Variants in ERI3 observed in about 807,000 individuals in gnomAD.
ERI3 encodes ERI1 exoribonuclease family member 3.
ERI3 carries 18 observed loss-of-function variants against 44.4 expected under a neutral mutation model. That is an observed-to-expected ratio of 0.41 (90% CI 0.28 to 0.60). ERI3 has a LOEUF of 0.60. Ranked by LOEUF, ERI3 falls within the 20% of genes least tolerant of loss-of-function variation. The pLI, the probability that ERI3 is intolerant of heterozygous loss-of-function variation, is 0.36. For synonymous variants in ERI3, 183 were observed against 164.8 expected, an observed-to-expected ratio of 1.11 and a Z score of -0.84; for missense variants, 294 against 435.5, an observed-to-expected ratio of 0.68 and a Z score of 2.89.
chr1:44,285,041 C>A, intron 6 of ERI3, 134 bp from the exon 7 acceptor site: 2 of 689,026 alleles, frequency 2.9e-6, no homozygotes, highest in Non-Finnish European at 2.5e-6. Flanking sequence ...ATGGGTCCCA[C>A]CCCACCAAAG....
intron 6 of ERI3, among the ~76,000 whole-genome samples, chr1:44,292,304 G>A (rs1645523796): frequency 6.6e-6 from 1 of 152,108 alleles, no homozygotes; most frequent in Non-Finnish European, 1.5e-5. Flanking sequence ...AAGCACCTTG[G>A]GACTCATTCT....
intron 8 of ERI3, among the ~76,000 whole-genome samples, chr1:44,243,119 G>GC (rs1046944949): frequency 1.1e-4 from 17 of 152,314 alleles, no homozygotes; most frequent in African/African-American, 3.6e-4. Context: ...CCAGCCCACT[G>GC]CCCCCCTGGG....
intron 6 of ERI3, among the ~76,000 whole-genome samples, chr1:44,298,149 T>G (rs1348799996): frequency 6.6e-6 from 1 of 152,268 alleles, no homozygotes; most frequent in Non-Finnish European, 1.5e-5. Flanking sequence ...GTTTTCTTTC[T>G]TTATTCACTG....
In ERI3 at chr1:44,279,143, G is replaced by A. The variant is rs576118175; in HGVS notation, c.831+5692C>T. Reference sequence around the variant, plus strand: ...GGTATTTCTCAGTGTTCTATCCTAGGCTTTCTTCTCACCCTATACCCTCTT... The same window carrying A: ...GGTATTTCTCAGTGTTCTATCCTAGACTTTCTTCTCACCCTATACCCTCTT... On this transcript the variant is annotated intron_variant, in intron 7 of 8. Coordinates refer to ENST00000372257, the MANE Select transcript of ERI3 (RefSeq NM_024066.3). Among the ~76,000 whole-genome samples the A allele has an allele frequency of 4.6e-5, 7 of 151,904 alleles. No homozygotes were observed. In the South Asian group the frequency reaches 1.5e-3, roughly 32 times the overall value.
chr1:44,263,452 A>C (rs1644931680), intron 7 of ERI3, among the ~76,000 whole-genome samples: 1 of 152,212 alleles, frequency 6.6e-6, no homozygotes, highest in Non-Finnish European at 1.5e-5. Flanking sequence ...GAAACTTGGA[A>C]TGGATCTCTG....
rs1644278378 is a variant in ERI3 at position 44,235,282 on chromosome 1, T to C, written c.931+12657A>G. ...CCCTGTTGTACAGCCAAATTCAGGC[T>C]CATTTGCACCTTGAGTTTTCAAGTC... On this transcript the variant is annotated intron_variant, in intron 8 of 8. Transcript: ENST00000372257. This position sits in a 1 kb window ranked among gnomAD's most constrained non-coding sequence, Gnocchi z 4.6. 6.6e-6 allele frequency among the ~76,000 whole-genome samples: 1 copy of C among 152,168 alleles called. No homozygotes were observed. The highest frequency in any genetic ancestry group is 1.5e-5 in the Non-Finnish European group (1 of 68,028).
At chr1:44,237,285 C>T (rs909715362) in intron 8 of ERI3, among the ~76,000 whole-genome samples, 1 of 152,208 alleles carries the variant, frequency 6.6e-6, no homozygotes, top group African/African-American at 2.4e-5. Flanking sequence ...TTGGCCTGGG[C>T]ACCCAGAAGA....
At chr1:44,261,271 C>T (rs907017983) in intron 7 of ERI3, among the ~76,000 whole-genome samples, 1 of 152,260 alleles carries the variant, frequency 6.6e-6, no homozygotes, top group Non-Finnish European at 1.5e-5. Context: ...CACGCCCCAG[C>T]GGGCAGGGCG....
At chr1:44,267,011 T>C (rs778927153) in intron 7 of ERI3, among the ~76,000 whole-genome samples, 12 of 152,152 alleles carry the variant, frequency 7.9e-5, no homozygotes, top group African/African-American at 1.9e-4. Context: ...AAGGCTTCAA[T>C]AGAGCAATAG....
intron 3 of ERI3, among the ~76,000 whole-genome samples, chr1:44,334,092 C>CT (rs1328338038): frequency 2.0e-5 from 3 of 152,194 alleles, no homozygotes; most frequent in African/African-American, 7.2e-5. Flanking sequence ...AGGAGCCTGA[C>CT]GGATGGCCAG....
chr1:44,337,932 C>G (rs1481193788), intron 3 of ERI3, among the ~76,000 whole-genome samples: 1 of 152,124 alleles, frequency 6.6e-6, no homozygotes, highest in Non-Finnish European at 1.5e-5. Flanking sequence ...TAACCTAACC[C>G]TATAGAGAAG....
intron 7 of ERI3, among the ~76,000 whole-genome samples, chr1:44,278,477 GAAAA>G (rs746101806): frequency 1.2e-5 from 1 of 80,020 alleles, no homozygotes; most frequent in Non-Finnish European, 2.6e-5. Context: ...ACTGTCTCAG[GAAAA>G]AAAAAAAAAA....
At chr1:44,265,337 T>G (rs1228878764) in intron 7 of ERI3, among the ~76,000 whole-genome samples, 1 of 152,248 alleles carries the variant, frequency 6.6e-6, no homozygotes, top group Non-Finnish European at 1.5e-5. Flanking sequence ...ACAGCTGTAC[T>G]CACAGCAGAG....
intron 8 of ERI3, among the ~76,000 whole-genome samples, chr1:44,236,942 G>C (rs1348102699): frequency 6.6e-6 from 1 of 152,118 alleles, no homozygotes; most frequent in Admixed American, 6.5e-5. Flanking sequence ...GCCTTCTAAG[G>C]CTGTCCCTCG....
At chr1:44,311,893 G>C (rs1209335783) in intron 5 of ERI3, among the ~76,000 whole-genome samples, 1 of 151,302 alleles carries the variant, frequency 6.6e-6, no homozygotes, top group Non-Finnish European at 1.5e-5. Context: ...TCATAGGAAT[G>C]AATCTCTTCA....
intron 7 of ERI3, among the ~76,000 whole-genome samples, chr1:44,251,687 A>G (rs760930018): frequency 2.0e-5 from 3 of 152,204 alleles, no homozygotes; most frequent in Non-Finnish European, 4.4e-5. Flanking sequence ...CACAGCAAAG[A>G]CAAAGGAAAG....
At chr1:44,269,493 C>T (rs1253453428) in intron 7 of ERI3, among the ~76,000 whole-genome samples, 1 of 152,222 alleles carries the variant, frequency 6.6e-6, no homozygotes, top group Admixed American at 6.5e-5. Context: ...TAAGAATATA[C>T]ACAGACATAC....
intron 6 of ERI3, among the ~76,000 whole-genome samples, chr1:44,298,784 G>A (rs1645663506): frequency 6.6e-6 from 1 of 152,126 alleles, no homozygotes; most frequent in Non-Finnish European, 1.5e-5. Flanking sequence ...TGGGCGCAGT[G>A]GCATGTACCT....
At chr1:44,254,306 T>C (rs1251036236) in intron 7 of ERI3, among the ~76,000 whole-genome samples, 1 of 152,186 alleles carries the variant, frequency 6.6e-6, no homozygotes, top group African/African-American at 2.4e-5. Context: ...CTCTCTGAAA[T>C]CTCACAAGGA....
Sources: allele counts gnomAD v4.1 joint callset (sites outside exome capture counted in the v4.1 genomes callset), GRCh38; gene constraint gnomAD v4.1.1; non-coding constraint Gnocchi (gnomAD v3.1); transcripts MANE v1.5; gene names NCBI Gene and HGNC (gene_info 2026-07-23, HGNC 2026-07-21).